PRUNE2: variants seen among roughly 807,000 people sequenced by gnomAD.
PRUNE2 encodes the protein protein prune homolog 2.
Under a neutral mutation model 252.0 loss-of-function variants are expected in PRUNE2, and 164 were observed. That is an observed-to-expected ratio of 0.65 (90% CI 0.57 to 0.74). The LOEUF is 0.74. Ranked by LOEUF, PRUNE2 falls within the 30% of genes least tolerant of loss-of-function variation. The pLI, the probability that PRUNE2 is intolerant of heterozygous loss-of-function variation, is 0.00. For missense variants in PRUNE2, 3,495 were observed against 3,711.0 expected (o/e 0.94, Z 1.51); for synonymous variants, 1,292 against 1,350.2 (o/e 0.96, Z 0.94).
chr9:76,769,795 C>T (rs558265983), intron 6 of PRUNE2, among the ~76,000 whole-genome samples: 2 of 152,176 alleles, frequency 1.3e-5, no homozygotes, highest in African/African-American at 4.8e-5. Flanking sequence ...TAAAAGGGAA[C>T]GTGAACTAAA....
intron 6 of PRUNE2, among the ~76,000 whole-genome samples, chr9:76,798,786 G>A (rs2131527935): frequency 6.6e-6 from 1 of 152,256 alleles, no homozygotes; most frequent in South Asian, 2.1e-4. Context: ...AGATCTAAGA[G>A]GAGAAGGGTC....
intron 1 of PRUNE2, chr9:76,856,989 G>C (rs894983356): frequency 4.0e-5 from 18 of 445,694 alleles, no homozygotes; most frequent in Non-Finnish European, 1.8e-5. Flanking sequence ...CCTGACCTCA[G>C]GTAATCCACC....
intron 1 of PRUNE2, chr9:76,869,156 A>G (rs2061035874): frequency 6.6e-6 from 1 of 152,162 alleles, no homozygotes; most frequent in African/African-American, 2.4e-5. Flanking sequence ...AATACTCACG[A>G]GTGTAAATGT....
At chr9:76,751,189 T>G (rs888743372) in intron 6 of PRUNE2, among the ~76,000 whole-genome samples, 2 of 152,132 alleles carry the variant, frequency 1.3e-5, no homozygotes, top group Non-Finnish European at 2.9e-5. Flanking sequence ...TAAACAGCTG[T>G]TCTTTGCAAG....
intron 6 of PRUNE2, among the ~76,000 whole-genome samples, chr9:76,760,668 C>T (rs1425587034): frequency 5.3e-5 from 8 of 152,182 alleles, no homozygotes; most frequent in South Asian, 2.1e-4. Context: ...ATCACAGCCA[C>T]GTCCTACCTC....
At chr9:76,627,957 C>T in intron 16 of PRUNE2, 1 of 221,320 alleles carries the variant, frequency 4.5e-6, no homozygotes, top group Non-Finnish European at 9.6e-6. Flanking sequence ...TAGGCTGGGC[C>T]TTTTTAATTA....
intron 9 of PRUNE2, among the ~76,000 whole-genome samples, chr9:76,669,521 T>C (rs887752557): frequency 1.3e-5 from 2 of 152,118 alleles, no homozygotes; most frequent in East Asian, 3.9e-4. Context: ...GTTTTCACCA[T>C]GTTGCCCAGG....
At chr9:76,884,005 T>C (rs2133347939) in intron 1 of PRUNE2, among the ~76,000 whole-genome samples, 1 of 152,340 alleles carries the variant, frequency 6.6e-6, no homozygotes, top group East Asian at 1.9e-4. Context: ...TGAGAGTGTG[T>C]ATGCAATAAA....
intron 1 of PRUNE2, among the ~76,000 whole-genome samples, chr9:76,885,707 C>T (rs972667446): frequency 2.6e-5 from 4 of 152,234 alleles, no homozygotes; most frequent in African/African-American, 9.6e-5. Context: ...TGCTTGGGTT[C>T]AAAACCTGAC....
intron 4 of PRUNE2, among the ~76,000 whole-genome samples, chr9:76,845,790 A>G (rs2059639771): frequency 6.6e-6 from 1 of 152,178 alleles, no homozygotes; most frequent in South Asian, 2.1e-4. Context: ...GGGGAGGGAA[A>G]TGCTTTATAC....
At chr9:76,846,006 G>A (rs2059652158) in intron 4 of PRUNE2, among the ~76,000 whole-genome samples, 1 of 152,186 alleles carries the variant, frequency 6.6e-6, no homozygotes. Flanking sequence ...AGTGAAGACA[G>A]AATATGTTAC....
chr9:76,724,424 C>T lies in PRUNE2; in HGVS notation c.757-10703G>A, dbSNP rs533070677. Among the ~76,000 whole-genome samples the T allele has an allele frequency of 3.6e-4, 54 of 150,290 alleles. No individual in the cohort carries two copies. In the East Asian group the frequency reaches 4.8e-3, roughly 13 times the overall value. ...GGGTGGGGGTGGAGGTTGCAGTGAG[C>T]GGAGATCCCATCACTGCACTCCAAC... On this transcript the variant is annotated intron_variant, in intron 6 of 18. Transcript: ENST00000376718.
rs560439750 is a variant in PRUNE2 at position 76,804,441 on chromosome 9, C to G, written c.756+19191G>C. On this transcript the variant is annotated intron_variant, in intron 6 of 18. Coordinates refer to ENST00000376718, the MANE Select transcript of PRUNE2 (RefSeq NM_015225.3). The stretch of plus-strand genomic sequence containing the variant: ...GTTTAAAAGCAGTGTACTGAGATTT[C>G]ATCTACTTCTTTCAAAATGTGTCAT... Among the ~76,000 whole-genome samples, 68 of 152,312 alleles carry G rather than the reference C, an allele frequency of 4.5e-4. 1 individual carries two copies. In the South Asian group the frequency reaches 9.3e-3, roughly 21 times the overall value.
Position 76,706,567 on chromosome 9 carries a change from A to C in PRUNE2, c.5707T>G (p.Ser1903Ala), listed in dbSNP as rs2046329309. The C allele has an allele frequency of 6.2e-7, 1 of 1,613,894 alleles. No individual in the cohort carries two copies. The highest frequency in any genetic ancestry group is 8.5e-7 in the Non-Finnish European group (1 of 1,179,862). The change falls in exon 8 of 19, where the codon TCC becomes GCC. Residue 1903 changes from serine to alanine, a missense_variant. Coordinates refer to ENST00000376718, the MANE Select transcript of PRUNE2 (RefSeq NM_015225.3). ...TGAATGTTCCAGAGTTGCTCATGGGAGTTCTTCCCATTACCTTCCAGAAAG... is the reference window on the plus strand; with the variant it reads ...TGAATGTTCCAGAGTTGCTCATGGGCGTTCTTCCCATTACCTTCCAGAAAG... ...SPFLEGNGKN[S>A]HEQLWNIQPR... is the part of the protein sequence containing the mutation.
At chr9:76,634,092 A>G (rs1047655544) in intron 15 of PRUNE2, among the ~76,000 whole-genome samples, 8 of 152,214 alleles carry the variant, frequency 5.3e-5, no homozygotes, top group African/African-American at 1.9e-4. Context: ...AGCCTGGGTG[A>G]CTGAAGGCGA....
intron 16 of PRUNE2, among the ~76,000 whole-genome samples, chr9:76,625,833 C>T (rs145393452): frequency 2.7e-3 from 414 of 152,146 alleles, no homozygotes; most frequent in African/African-American, 9.6e-3. Context: ...TTTTTCCGCT[C>T]ATTTTTGTAT....
Position 76,668,450 on chromosome 9 carries a change from A to G in PRUNE2, c.8277-12948T>C, listed in dbSNP as rs576261682. 5.9e-5 allele frequency among the ~76,000 whole-genome samples: 9 copies of G among 152,290 alleles called. No homozygotes were observed. In the South Asian group the frequency reaches 1.7e-3, roughly 28 times the overall value. ...ATCCAGTTTCTCATCTAAAAATTCT[A>G]TCTCCTTCACTCTCCTACCTGGGCC... On this transcript the variant is annotated intron_variant, in intron 9 of 18. Coordinates refer to ENST00000376718, the MANE Select transcript of PRUNE2 (RefSeq NM_015225.3).
rs375967700 is a variant in PRUNE2 at position 76,621,941 on chromosome 9, C to T, written c.9188+2511G>A. Among the ~76,000 whole-genome samples, 35 of 152,254 alleles carry T rather than the reference C, an allele frequency of 2.3e-4. No individual in the cohort carries two copies. The South Asian group carries it at 7.1e-3, about 31-fold the overall frequency. On this transcript the variant is annotated intron_variant, in intron 17 of 18. Coordinates refer to ENST00000376718, the MANE Select transcript of PRUNE2 (RefSeq NM_015225.3). Reference sequence around the variant, plus strand: ...CCTCAAGCAATCCTCCCCACTCAGCCTCCCAAAGTCCTGGGATTACAGGGC... The same window carrying T: ...CCTCAAGCAATCCTCCCCACTCAGCTTCCCAAAGTCCTGGGATTACAGGGC...
At chr9:76,843,040 C>T (rs74484761) in intron 4 of PRUNE2, among the ~76,000 whole-genome samples, 13,264 of 152,026 alleles carry the variant, frequency 0.087, 718 homozygotes, top group African/African-American at 0.15. Flanking sequence ...CACTTATTGC[C>T]GCACTATTCA....
Sources: gnomAD v4.1 joint callset for allele counts (sites outside exome capture counted in the v4.1 genomes callset) on GRCh38, gnomAD v4.1.1 for gene constraint, MANE v1.5 for transcripts, NCBI Gene and HGNC (gene_info 2026-07-23, HGNC 2026-07-21) for gene names.